ROGDI: variants seen among roughly 807,000 people sequenced by gnomAD.
ROGDI encodes protein rogdi homolog.
Under a neutral mutation model 43.1 loss-of-function variants are expected in ROGDI, and 46 were observed. That is an observed-to-expected ratio of 1.07 (90% CI 0.84 to 1.37). The LOEUF (loss-of-function observed/expected upper bound fraction) is 1.37. Ranked by LOEUF, ROGDI falls within the 40% of genes most tolerant of loss-of-function variation. ROGDI has a pLI of 0.00. For synonymous variants in ROGDI, 243 were observed against 162.0 expected, an observed-to-expected ratio of 1.50 and a Z score of -3.80; for missense variants, 518 against 383.9, an observed-to-expected ratio of 1.35 and a Z score of -2.92.
At chr16:4,800,668 G>A in intron 4 of ROGDI, 90 bp from the exon 5 acceptor site, 1 of 1,082,640 alleles carries the variant, frequency 9.2e-7, no homozygotes, top group Non-Finnish European at 1.4e-6. Flanking sequence ...CAGAAATGGG[G>A]TGTGTGGTGG....
chr16:4,799,729 C>T lies in ROGDI; in HGVS notation c.389G>A (p.Arg130Gln), dbSNP rs374603311. The T allele has an allele frequency of 4.0e-5, 64 of 1,613,560 alleles. No homozygotes were observed. Among genetic ancestry groups the T allele is most frequent in the Middle Eastern group, 1.6e-4 (1 of 6,080 alleles). ...CGTCTTGAACTGGTAGCTCTGGTCCCGGCTGGTAAGCAGGTAAATGGCTTG... is the reference window on the plus strand; with the variant it reads ...CGTCTTGAACTGGTAGCTCTGGTCCTGGCTGGTAAGCAGGTAAATGGCTTG... ...VSQAIYLLTSRDQSYQFKTGA... is the reference protein window; with the variant it reads ...VSQAIYLLTSQDQSYQFKTGA... Residue 130 changes from arginine (R) to glutamine (Q), a missense_variant, in exon 6 of 11, where the codon CGG (arginine) becomes CAG (glutamine). Physicochemically the swap from Arg to Gln is conservative, Grantham distance 43. Transcript: ENST00000322048.
chr16:4,799,585 T>C, intron 6 of ROGDI, 101 bp downstream of exon 6: 3 of 793,916 alleles, frequency 3.8e-6, no homozygotes, highest in South Asian at 3.3e-5. Context: ...TGCTTACAGG[T>C]TGCACAGCTC....
intron 7 of ROGDI, 29 bp downstream of exon 7, chr16:4,798,540 C>A: frequency 1.3e-6 from 2 of 1,511,858 alleles, no homozygotes; most frequent in Non-Finnish European, 1.8e-6. Context: ...GACCCCTCTC[C>A]TGCAGCAGGG....
chr16:4,801,793 T>C (rs2082726383), intron 2 of ROGDI: 6 of 602,448 alleles, frequency 1.0e-5, no homozygotes, highest in Admixed American at 2.8e-5. Context: ...CCACATTCCC[T>C]GAACACCTCC....
At chr16:4,799,075 C>T (rs867722701) in intron 6 of ROGDI, among the ~76,000 whole-genome samples, 2 of 152,030 alleles carry the variant, frequency 1.3e-5, no homozygotes, top group South Asian at 2.1e-4. Flanking sequence ...GCCAGGGTCA[C>T]GGCTGATGGA....
intron 8 of ROGDI, 40 bp from the exon 9 acceptor site, chr16:4,798,027 C>A (rs368051138): frequency 9.3e-5 from 150 of 1,613,220 alleles, no homozygotes; most frequent in Non-Finnish European, 1.2e-4. Context: ...CCTTGCAGGG[C>A]GTGTGCATGG....
At chr16:4,802,278 G>C in intron 2 of ROGDI, 104 bp downstream of exon 2, 1 of 1,084,540 alleles carries the variant, frequency 9.2e-7, no homozygotes, top group African/African-American at 1.6e-5. Flanking sequence ...CGCGGCAGCC[G>C]CACACTGTAG....
chr16:4,798,819 T>C (rs935951532), intron 6 of ROGDI, 152 bp from the exon 7 acceptor site: 6 of 650,106 alleles, frequency 9.2e-6, no homozygotes, highest in African/African-American at 7.4e-5. Flanking sequence ...AGACAGGTAG[T>C]TGGGCTCCAG....
At position 4,797,772 on chromosome 16, in the gene ROGDI, T is replaced by C; in HGVS notation, c.764A>G (p.Asn255Ser). 2 of 1,613,776 alleles carry C rather than the reference T, an allele frequency of 1.2e-6. No individual in the cohort carries two copies. The highest frequency in any genetic ancestry group is 1.1e-5 in the South Asian group (1 of 91,084). The stretch of plus-strand genomic sequence containing the variant: ...GACGGTGAAGTAGACCAGGGCGTCG[T>C]TGAGCCAGGGGATCACGCACTCCAC... ...HKVECVIPWL[N>S]DALVYFTVSL... The change falls in exon 10 of 11, where the codon AAC becomes AGC. Residue 255 changes from asparagine (N) to serine (S), a missense_variant. By Grantham distance (46) the Asn-to-Ser change is conservative (BLOSUM62 1). Coordinates refer to ENST00000322048, the MANE Select transcript of ROGDI (RefSeq NM_024589.3).
chr16:4,798,278 T>TGGGATC, intron 7 of ROGDI, 94 bp from the exon 8 acceptor site: 1 of 1,036,588 alleles, frequency 9.6e-7, no homozygotes, highest in Non-Finnish European at 1.5e-6. Context: ...CTGCAGGGGA[T>TGGGATC]CCCAGTCCCC....
chr16:4,801,588 G>T lies in ROGDI; in HGVS notation c.118-3C>A. On this transcript the variant is annotated splice_region_variant and splice_polypyrimidine_tract_variant and intron_variant, in intron 2 of 10. Transcript: ENST00000322048. ...AGAGTGAAGCGCAGAGAGGCCTCCT[G>T]TGGAACAGAGGGAAGGAGGGGAGCT... 1 of 1,592,904 alleles carries T rather than the reference G, an allele frequency of 6.3e-7. No homozygotes were observed. The highest frequency in any genetic ancestry group is 8.5e-7 in the Non-Finnish European group (1 of 1,169,832).
In ROGDI at chr16:4,798,584, G is replaced by A. The variant is rs140043147; in HGVS notation, c.516C>T (p.Ala172=). The change falls in exon 7 of 11, where the codon GCC becomes GCT. Residue 172 remains alanine (A), a synonymous_variant. Transcript: ENST00000322048. ...TPATLTLPEI[A]ASGLTRMFAP... is the part of the protein sequence containing the mutation. ...GGGCACTGACCGTGAGGCCGCTGGC[G>A]GCGATCTCGGGGAGGGTGAGGGTGG... The A allele has an allele frequency of 9.3e-5, 146 of 1,563,954 alleles. 1 individual carries two copies. In the African/African-American group the frequency reaches 1.4e-3, roughly 15 times the overall value.
Position 4,797,511 on chromosome 16 carries a change from G to C in ROGDI, c.823-10C>G. The stretch of plus-strand genomic sequence containing the variant: ...TGGAGAACACGGAGATCTGCAAGGG[G>C]AGAGGGTGCTGTAGGTTGCTGAAGG... On this transcript the variant is annotated splice_polypyrimidine_tract_variant and intron_variant, in intron 10 of 10. Transcript: ENST00000322048. 4 of 1,532,954 alleles carry C rather than the reference G, an allele frequency of 2.6e-6. No homozygotes were observed. Among genetic ancestry groups the C allele is most frequent in the Middle Eastern group, 1.7e-4 (1 of 5,750 alleles). The allele number at this position is 1,532,954 out of a possible 1,614,324, so 95.0% of individuals were successfully genotyped here. A position where few individuals can be genotyped will look rare whatever the true frequency, so the allele number is the denominator to read the frequency against.
chr16:4,801,382 C>T, intron 3 of ROGDI, 61 bp from the exon 4 acceptor site: 6 of 1,566,574 alleles, frequency 3.8e-6, no homozygotes, highest in South Asian at 3.4e-5. Context: ...AGCCCTCCCT[C>T]CCGGCGGGCT....
intron 2 of ROGDI, 121 bp from the exon 3 acceptor site, chr16:4,801,706 A>T: frequency 1.1e-6 from 1 of 924,572 alleles, no homozygotes. Context: ...GCCTGGCCTC[A>T]CCTGGGTTCA....
Position 4,797,336 on chromosome 16 carries a change from G to A in ROGDI, c.*124C>T, listed in dbSNP as rs967880629. 8 of 805,196 alleles carry A rather than the reference G, an allele frequency of 9.9e-6. No homozygotes were observed. In the African/African-American group the frequency reaches 1.0e-4, roughly 10 times the overall value. 49.9% of individuals were successfully genotyped at this position (805,196 alleles called of 1,614,324 possible). On this transcript the variant is annotated 3_prime_UTR_variant, in exon 11 of 11. Transcript: ENST00000322048. Reference sequence around the variant, plus strand: ...ATTCCCGGCAGTGCAAATGTGTTAGGTGGGGTAGGGGGTGGGATAGGGAGA... The same window carrying A: ...ATTCCCGGCAGTGCAAATGTGTTAGATGGGGTAGGGGGTGGGATAGGGAGA...
In ROGDI at chr16:4,797,998, C is replaced by T. The variant is rs371728918; in HGVS notation, c.646-11G>A. 164 of 1,612,272 alleles carry T rather than the reference C, an allele frequency of 1.0e-4. No homozygotes were observed. Among genetic ancestry groups the T allele is most frequent in the Admixed American group, 2.7e-4 (16 of 59,938 alleles). ...AGCTGGGCGGAAGTTCTAGGGAGAA[C>T]AGCACCAGACCCGTCAGGCCTTGCA... On this transcript the variant is annotated splice_polypyrimidine_tract_variant and intron_variant, in intron 8 of 10. Transcript: ENST00000322048.
chr16:4,799,910 G>A (rs1361609554), intron 5 of ROGDI, 129 bp from the exon 6 acceptor site: 9 of 672,574 alleles, frequency 1.3e-5, no homozygotes, highest in Non-Finnish European at 2.1e-5. Context: ...CAGAGGGCCA[G>A]GTCCACGCCA....
intron 6 of ROGDI, chr16:4,798,874 G>C: frequency 1.7e-6 from 1 of 573,230 alleles, no homozygotes; most frequent in Non-Finnish European, 3.1e-6. Flanking sequence ...TGTCAGTCGG[G>C]ATGGGGCTGA....
Sources: allele counts gnomAD v4.1 joint callset (sites outside exome capture counted in the v4.1 genomes callset), GRCh38; gene constraint gnomAD v4.1.1; transcripts MANE v1.5; gene names NCBI Gene and HGNC (gene_info 2026-07-23, HGNC 2026-07-21).